The following COL4A4 variants were observed in gnomAD, a reference collection of about 807,000 sequenced individuals.
COL4A4 encodes collagen type IV alpha 4 chain.
A neutral mutation model predicts 192.9 loss-of-function variants in COL4A4; 105 were observed. The observed-to-expected ratio is 0.54, with a 90% CI of 0.46 to 0.64. The LOEUF (loss-of-function observed/expected upper bound fraction) is 0.64, where lower values mean the gene tolerates loss of function less well. Ranked by LOEUF, COL4A4 falls within the 30% of genes least tolerant of loss-of-function variation. The probability of loss-of-function intolerance (pLI) is 0.00; values close to 1 mark genes in which losing one functional copy is unlikely to be tolerated. For synonymous variants in COL4A4, 762 were observed against 769.9 expected (o/e 0.99, Z 0.17); for missense variants, 1,967 against 2,169.3 (o/e 0.91, Z 1.85).
chr2:227,161,672 C>T (rs2064844021), intron 1 of COL4A4, among the ~76,000 whole-genome samples: 1 of 152,126 alleles, frequency 6.6e-6, no homozygotes, highest in East Asian at 1.9e-4. Flanking sequence ...TACGAATCAC[C>T]TGGAGATCTT....
chr2:227,163,166 C>T (rs1476760696), intron 1 of COL4A4, among the ~76,000 whole-genome samples: 1 of 152,230 alleles, frequency 6.6e-6, no homozygotes, highest in African/African-American at 2.4e-5. Flanking sequence ...AAATAAGTTG[C>T]ATCTTTACTT....
At chr2:227,002,679 G>T (rs12613829), downstream of COL4A4, 7,184 of 152,722 alleles carry the variant, frequency 0.047, 255 homozygotes, top group East Asian at 0.18. Flanking sequence ...GCATTGGCTT[G>T]AAAGAAAATA....
At chr2:227,059,203 T>A (rs758701353) in intron 28 of COL4A4, among the ~76,000 whole-genome samples, 2 of 152,222 alleles carry the variant, frequency 1.3e-5, no homozygotes, top group Non-Finnish European at 2.9e-5. Context: ...GCCCTGCATT[T>A]GAAAACAATC....
At chr2:227,057,656 C>T in intron 28 of COL4A4, 56 bp from the exon 29 acceptor site, 1 of 1,569,936 alleles carries the variant, frequency 6.4e-7, no homozygotes, top group African/African-American at 1.3e-5. Flanking sequence ...ACAGATGGCC[C>T]ATGATGAATT....
chr2:227,094,310 G>T, intron 19 of COL4A4, 21 bp from the exon 20 acceptor site: 1 of 1,610,536 alleles, frequency 6.2e-7, no homozygotes, highest in South Asian at 1.1e-5. Flanking sequence ...AATCAAGAAT[G>T]AAAATTACAT....
At chr2:227,133,927 G>A (rs1043823224) in intron 4 of COL4A4, among the ~76,000 whole-genome samples, 13 of 151,766 alleles carry the variant, frequency 8.6e-5, no homozygotes, top group Non-Finnish European at 1.9e-4. Context: ...AAAAAAGAAA[G>A]AAATCCTTAC....
At position 227,020,744 on chromosome 2, in the gene COL4A4, A is replaced by G. The variant is rs554269086; in HGVS notation, c.4216+1304T>C. Among the ~76,000 whole-genome samples the G allele has an allele frequency of 2.0e-5, 3 of 152,306 alleles. No individual in the cohort carries two copies. The East Asian group carries it at 5.8e-4, about 29-fold the overall frequency. On this transcript the variant is annotated intron_variant, in intron 44 of 47. Transcript: ENST00000396625. ...ATTTGCCCATGAGTTTTCTAGACTC[A>G]TAGCTACTATCAATGGATCTAAAGA...
At chr2:227,028,174 G>T (rs1489499260) in intron 41 of COL4A4, among the ~76,000 whole-genome samples, 165 bp from the exon 42 acceptor site, 1 of 152,206 alleles carries the variant, frequency 6.6e-6, no homozygotes, top group Non-Finnish European at 1.5e-5. Context: ...GCTTAGACGG[G>T]TTGCCTCTGA....
chr2:227,009,337 C>T (rs529630430), intron 46 of COL4A4, among the ~76,000 whole-genome samples: 4 of 152,334 alleles, frequency 2.6e-5, no homozygotes, highest in Admixed American at 2.6e-4. Flanking sequence ...CTTGGAAAGA[C>T]AGTGTTTCCC....
chr2:227,111,173 A>G (rs2061185428), intron 9 of COL4A4, among the ~76,000 whole-genome samples: 1 of 152,254 alleles, frequency 6.6e-6, no homozygotes, highest in Non-Finnish European at 1.5e-5. Flanking sequence ...TTTGTGATTC[A>G]CACATTTACT....
intron 40 of COL4A4, among the ~76,000 whole-genome samples, chr2:227,031,400 C>T (rs1327822187): frequency 6.6e-6 from 1 of 152,176 alleles, no homozygotes; most frequent in Non-Finnish European, 1.5e-5. Context: ...ACTCCCAACC[C>T]AGCTCTAGCC....
chr2:227,138,018 T>G (rs6436657), intron 4 of COL4A4, among the ~76,000 whole-genome samples: 83,831 of 151,818 alleles, frequency 0.55, 24,823 homozygotes, highest in African/African-American at 0.78. Flanking sequence ...AAGACCGGCT[T>G]CACACAGTGG....
At chr2:227,156,120 C>T (rs544949474) in intron 1 of COL4A4, among the ~76,000 whole-genome samples, 3 of 152,048 alleles carry the variant, frequency 2.0e-5, no homozygotes, top group South Asian at 2.1e-4. Context: ...AAAACCCGGC[C>T]GGGTGTGGTG....
the COL4A4 span, among the ~76,000 whole-genome samples, chr2:226,976,065 A>G: frequency 1.3e-5 from 2 of 151,624 alleles, no homozygotes; most frequent in Non-Finnish European, 2.9e-5. Context: ...TTTGGAGACT[A>G]TGTGCAGTAT....
At chr2:227,041,848 G>GAAAGAAAGAGAAAGAA (rs1243663359) in intron 37 of COL4A4, among the ~76,000 whole-genome samples, 7 of 38,716 alleles carry the variant, frequency 1.8e-4, no homozygotes, top group African/African-American at 3.7e-4. Context: ...AAGAAAGAAA[G>GAAAGAAAGAGAAAGAA]AGAAAGAAAG....
chr2:227,074,176 C>T (rs1302421596), intron 25 of COL4A4, among the ~76,000 whole-genome samples: 1 of 151,916 alleles, frequency 6.6e-6, no homozygotes, highest in Non-Finnish European at 1.5e-5. Flanking sequence ...TATGCGGAAT[C>T]TACAAAGAAC....
At chr2:226,998,576 C>A (rs1461077450), downstream of COL4A4, 1 of 151,966 alleles carries the variant, frequency 6.6e-6, no homozygotes. Flanking sequence ...CCCTAAGTTT[C>A]TTCTCTTTTT....
At position 227,051,007 on chromosome 2, in the gene COL4A4, G is replaced by T. The variant is rs749738744; in HGVS notation, c.3120C>A (p.Phe1040Leu). Residue 1040 changes from phenylalanine (F) to leucine (L), a missense_variant, in exon 33 of 48, where the codon TTC becomes TTA. Transcript: ENST00000396625. ...GPPGSTGLRG[F>L]IGFPGLPGDQ... ...CACCTGGAAGTCCTGGAAAACCAAT[G>T]AACCCTCTTAGACCAGTTGAGCCTG... The T allele has an allele frequency of 1.2e-5, 19 of 1,614,086 alleles. No homozygotes were observed. The Admixed American group carries it at 2.5e-4, about 21-fold the overall frequency.
At chr2:227,044,410 T>C (rs1477739575) in intron 35 of COL4A4, among the ~76,000 whole-genome samples, 2 of 152,224 alleles carry the variant, frequency 1.3e-5, no homozygotes, top group African/African-American at 4.8e-5. Context: ...ACATAAAATA[T>C]ATGTCTCTGT....
Sources: gnomAD v4.1 joint callset for allele counts (sites outside exome capture counted in the v4.1 genomes callset) on GRCh38, gnomAD v4.1.1 for gene constraint, MANE v1.5 for transcripts, NCBI Gene and HGNC (gene_info 2026-07-23, HGNC 2026-07-21) for gene names.